The following THSD4 variants were observed in gnomAD, a reference collection of about 807,000 sequenced individuals.
The protein encoded by THSD4 is thrombospondin type 1 domain containing 4.
THSD4 carries 69 observed loss-of-function variants against 119.0 expected under a neutral mutation model. The observed-to-expected ratio is 0.58, with a 90% confidence interval of 0.48 to 0.71. The LOEUF (loss-of-function observed/expected upper bound fraction) is 0.71, where lower values mean the gene tolerates loss of function less well. THSD4 is among the 30% of genes least tolerant of loss of function. The pLI is 0.00. For missense variants in THSD4, 1,393 were observed against 1,391.1 expected (o/e 1.00, Z -0.02); for synonymous variants, 524 against 540.4 (o/e 0.97, Z 0.42).
intron 6 of THSD4, among the ~76,000 whole-genome samples, chr15:71,298,551 C>G (rs1158782274): frequency 5.3e-5 from 8 of 151,882 alleles, no homozygotes; most frequent in African/African-American, 1.2e-4. Flanking sequence ...TCTAGTCCCC[C>G]CCTTAGATAT....
intron 8 of THSD4, among the ~76,000 whole-genome samples, chr15:71,706,360 G>GA (rs5813655): frequency 6.6e-6 from 1 of 151,964 alleles, no homozygotes; most frequent in African/African-American, 2.4e-5. Flanking sequence ...AGGGATGGGA[G>GA]AAAAAAATGG....
intron 7 of THSD4, among the ~76,000 whole-genome samples, chr15:71,533,211 C>T (rs958562809): frequency 4.6e-5 from 7 of 152,264 alleles, no homozygotes; most frequent in East Asian, 1.9e-4. Flanking sequence ...CTTCTTATTA[C>T]GTAAGTATTG....
At chr15:71,439,257 T>C (rs1422627422) in intron 7 of THSD4, among the ~76,000 whole-genome samples, 1 of 152,238 alleles carries the variant, frequency 6.6e-6, no homozygotes, top group Non-Finnish European at 1.5e-5. Flanking sequence ...TTTTTAAAGT[T>C]TATCAATCCA....
chr15:71,272,474 C>T (rs3898136), intron 6 of THSD4, among the ~76,000 whole-genome samples: 39,126 of 146,442 alleles, frequency 0.27, 5,561 homozygotes, highest in East Asian at 0.54. Context: ...ATTTCTCAAA[C>T]GAAGACATAA....
intron 6 of THSD4, among the ~76,000 whole-genome samples, chr15:71,354,968 A>G (rs182716388): frequency 3.1e-4 from 47 of 152,322 alleles, no homozygotes; most frequent in Admixed American, 7.8e-4. Context: ...CGTTTAGTGA[A>G]TGGACAAATC....
chr15:71,251,961 A>G (rs192690785), intron 5 of THSD4, among the ~76,000 whole-genome samples: 117 of 152,334 alleles, frequency 7.7e-4, no homozygotes, highest in Non-Finnish European at 9.4e-4. Flanking sequence ...ATATTAAAGT[A>G]CGTCTTTATT....
chr15:71,752,173 C>A (rs2053459719), intron 14 of THSD4, among the ~76,000 whole-genome samples: 1 of 152,168 alleles, frequency 6.6e-6, no homozygotes. Context: ...AGAGAAAAAA[C>A]AACTCTGTGG....
At chr15:71,704,884 A>G (rs1229943301) in intron 8 of THSD4, among the ~76,000 whole-genome samples, 1 of 152,174 alleles carries the variant, frequency 6.6e-6, no homozygotes, top group Admixed American at 6.5e-5. Context: ...TGTGAACGAG[A>G]AGTACATAGT....
chr15:71,531,372 A>T (rs533905117), intron 7 of THSD4, among the ~76,000 whole-genome samples: 2 of 152,368 alleles, frequency 1.3e-5, no homozygotes, highest in East Asian at 3.9e-4. Flanking sequence ...GTAGAAGCCC[A>T]GAGATCAGTT....
chr15:71,335,898 C>A (rs1410438193), intron 6 of THSD4, among the ~76,000 whole-genome samples: 1 of 152,136 alleles, frequency 6.6e-6, no homozygotes, highest in Non-Finnish European at 1.5e-5. Flanking sequence ...TTATTTCACA[C>A]TTGAGGTCAT....
rs377153089 is a variant in THSD4, at chr15:71,771,130, C to G, written c.2836C>G (p.Leu946Val). ...GCGGTGTCTGTCTGATGACATGACT[C>G]TAAGTAACCTCTGTGACCCTCAGTT... ...EVRCLSDDMT[L>V]SNLCDPQLKP... Residue 946 changes from leucine to valine, a missense_variant, in exon 17 of 18, where the codon CTA becomes GTA. Leu to Val is a conservative substitution (Grantham distance 32, BLOSUM62 1). Transcript: ENST00000261862. 5.6e-6 allele frequency: 9 copies of G among 1,613,362 alleles called. No individual in the cohort carries two copies. In the African/African-American group the frequency reaches 9.4e-5, roughly 17 times the overall value.
chr15:71,337,877 A>G (rs796321423), intron 6 of THSD4, among the ~76,000 whole-genome samples: 6 of 152,274 alleles, frequency 3.9e-5, no homozygotes, highest in African/African-American at 1.4e-4. Context: ...TGGGGCTCTC[A>G]TTTACTAATG....
intron 6 of THSD4, among the ~76,000 whole-genome samples, chr15:71,322,777 G>A (rs1287813373): frequency 6.6e-6 from 1 of 152,098 alleles, no homozygotes; most frequent in Admixed American, 6.5e-5. Flanking sequence ...CACGGTGACT[G>A]GCCTTCCTCA....
upstream of THSD4, chr15:71,112,081 C>T (rs772462053): frequency 1.9e-5 from 31 of 1,609,988 alleles, no homozygotes; most frequent in African/African-American, 2.8e-4. Context: ...TTCCACATGC[C>T]CTGAACTCCC....
chr15:71,613,075 A>C (rs2050258925), intron 7 of THSD4, among the ~76,000 whole-genome samples: 3 of 152,178 alleles, frequency 2.0e-5, no homozygotes, highest in African/African-American at 7.2e-5. Flanking sequence ...AAGCAAATGC[A>C]TTTTCATTTG....
At chr15:71,332,852 T>G (rs946866255) in intron 6 of THSD4, among the ~76,000 whole-genome samples, 1 of 145,780 alleles carries the variant, frequency 6.9e-6, no homozygotes, top group Non-Finnish European at 1.5e-5. Context: ...AGACGGAATG[T>G]AAATTTGTAA....
intron 5 of THSD4, among the ~76,000 whole-genome samples, chr15:71,247,344 A>G (rs2044213659): frequency 1.3e-5 from 2 of 152,180 alleles, no homozygotes; most frequent in African/African-American, 4.8e-5. Context: ...CATAACATTG[A>G]CGTTGATTGC....
At chr15:71,328,660 A>G (rs1252243185) in intron 6 of THSD4, among the ~76,000 whole-genome samples, 6 of 152,202 alleles carry the variant, frequency 3.9e-5, no homozygotes, top group African/African-American at 1.4e-4. Context: ...TGAACCTTGG[A>G]AAAAGTCCAC....
chr15:71,633,456 G>A (rs571939924), intron 7 of THSD4, among the ~76,000 whole-genome samples: 11 of 151,796 alleles, frequency 7.2e-5, no homozygotes, highest in Admixed American at 2.0e-4. Context: ...TGTATTTTTC[G>A]TAGAGATGGA....
Sources: allele counts gnomAD v4.1 joint callset (sites outside exome capture counted in the v4.1 genomes callset), GRCh38; gene constraint gnomAD v4.1.1; transcripts MANE v1.5; gene names NCBI Gene and HGNC (gene_info 2026-07-23, HGNC 2026-07-21).